FOXN3: variants seen among roughly 807,000 people sequenced by gnomAD.
FOXN3 encodes the protein forkhead box N3, also known as forkhead box protein N3.
A neutral mutation model predicts 38.4 loss-of-function variants in FOXN3; 7 were observed. That is an observed-to-expected ratio of 0.18 (90% CI 0.10 to 0.34). The LOEUF is 0.34. Among genes scored for constraint, FOXN3 ranks in the 10% least tolerant of loss-of-function variants. The pLI is 1.00. For synonymous variants in FOXN3, 230 were observed against 242.2 expected, an observed-to-expected ratio of 0.95 and a Z score of 0.47; for missense variants, 456 against 613.4, an observed-to-expected ratio of 0.74 and a Z score of 2.71.
At chr14:89,497,235 G>A (rs1022500810) in intron 1 of FOXN3, among the ~76,000 whole-genome samples, 23 of 151,516 alleles carry the variant, frequency 1.5e-4, no homozygotes, top group Admixed American at 5.9e-4. Context: ...GATTACAGGC[G>A]TGAGCCACCA....
intron 1 of FOXN3, among the ~76,000 whole-genome samples, chr14:89,480,726 AC>A (rs1409056436): frequency 6.6e-6 from 1 of 152,246 alleles, no homozygotes; most frequent in East Asian, 1.9e-4. Flanking sequence ...GGTTCCCAGA[AC>A]ACAAATTAAA....
At chr14:89,271,671 T>C (rs995334453) in intron 4 of FOXN3, among the ~76,000 whole-genome samples, 1 of 152,222 alleles carries the variant, frequency 6.6e-6, no homozygotes, top group Non-Finnish European at 1.5e-5. Flanking sequence ...TTTCTCTATC[T>C]AGTTTTTAAA....
intron 3 of FOXN3, among the ~76,000 whole-genome samples, chr14:89,317,335 CGATGT>C (rs1887750213): frequency 6.6e-6 from 1 of 152,118 alleles, no homozygotes; most frequent in African/African-American, 2.4e-5. Flanking sequence ...CCACTTCCTG[CGATGT>C]TTTAGAAGGC....
At chr14:89,300,971 G>GC (rs1566950732) in intron 3 of FOXN3, among the ~76,000 whole-genome samples, 1 of 151,108 alleles carries the variant, frequency 6.6e-6, no homozygotes, top group Non-Finnish European at 1.5e-5. Flanking sequence ...TAATTTTTTT[G>GC]CTTTTTTTTT....
At chr14:89,336,888 C>T (rs1348323747) in intron 3 of FOXN3, among the ~76,000 whole-genome samples, 3 of 152,182 alleles carry the variant, frequency 2.0e-5, no homozygotes, top group Non-Finnish European at 2.9e-5. Context: ...TTTCCTATAA[C>T]TTTAACTTCA....
chr14:89,481,616 G>A (rs1435338707), intron 1 of FOXN3, among the ~76,000 whole-genome samples: 5 of 152,076 alleles, frequency 3.3e-5, no homozygotes, highest in Non-Finnish European at 7.4e-5. Flanking sequence ...GGTTCAAATC[G>A]ACACACCAAA....
At chr14:89,247,533 A>C (rs1260358633) in intron 4 of FOXN3, among the ~76,000 whole-genome samples, 2 of 152,204 alleles carry the variant, frequency 1.3e-5, no homozygotes, top group African/African-American at 4.8e-5. Context: ...TGTCTAGTGC[A>C]AGGTCTTGAG....
chr14:89,277,339 C>T (rs1374065211), intron 4 of FOXN3, among the ~76,000 whole-genome samples: 2 of 152,194 alleles, frequency 1.3e-5, no homozygotes, highest in African/African-American at 4.8e-5. Context: ...TTCAGCCTGC[C>T]CTGGGTCCCC....
intron 3 of FOXN3, chr14:89,284,578 C>T: frequency 2.2e-6 from 1 of 455,962 alleles, no homozygotes; most frequent in African/African-American, 2.0e-5. Flanking sequence ...AGGCAAAGTC[C>T]CAGGCTAGAA....
chr14:89,460,803 G>C (rs1000114616), intron 1 of FOXN3, among the ~76,000 whole-genome samples: 1 of 151,898 alleles, frequency 6.6e-6, no homozygotes, highest in Non-Finnish European at 1.5e-5. Context: ...GGCCGAGGCG[G>C]GCAGATCACC....
intron 1 of FOXN3, among the ~76,000 whole-genome samples, chr14:89,450,590 CTTT>C (rs35023413): frequency 2.1e-5 from 3 of 144,354 alleles, no homozygotes; most frequent in Non-Finnish European, 3.0e-5. Flanking sequence ...TTCATCTTTC[CTTT>C]TTTTTTTTTT....
chr14:89,290,940 T>A, intron 3 of FOXN3: 1 of 329,606 alleles, frequency 3.0e-6, no homozygotes, highest in Non-Finnish European at 6.0e-6. Context: ...GGTCAGGCCC[T>A]CAGGAGAGAA....
chr14:89,253,930 G>A (rs1353575600), intron 4 of FOXN3, among the ~76,000 whole-genome samples: 1 of 152,128 alleles, frequency 6.6e-6, no homozygotes. Context: ...GGCTGTTGCT[G>A]GGATCTATGG....
At chr14:89,309,770 A>G (rs1887477603) in intron 3 of FOXN3, among the ~76,000 whole-genome samples, 1 of 152,174 alleles carries the variant, frequency 6.6e-6, no homozygotes, top group Non-Finnish European at 1.5e-5. Context: ...CACCTCACTC[A>G]GTAAAAAGAA....
At chr14:89,357,335 G>A (rs1206611363) in intron 2 of FOXN3, among the ~76,000 whole-genome samples, 1 of 152,164 alleles carries the variant, frequency 6.6e-6, no homozygotes, top group Non-Finnish European at 1.5e-5. Flanking sequence ...AGCAGGGCGT[G>A]GTGGCTCACG....
intron 1 of FOXN3, among the ~76,000 whole-genome samples, chr14:89,506,342 G>A (rs1200210500): frequency 4.6e-5 from 5 of 108,426 alleles, no homozygotes; most frequent in Non-Finnish European, 8.3e-5. Flanking sequence ...TCAGCCCCCC[G>A]CCCGGCCAGC....
chr14:89,594,400 GC>G (rs1896016003), intron 1 of FOXN3, among the ~76,000 whole-genome samples: 1 of 152,164 alleles, frequency 6.6e-6, no homozygotes, highest in Admixed American at 6.5e-5. Context: ...TCAACTGTAG[GC>G]ATTGTGGTGG....
chr14:89,254,315 C>T (rs1885551386), intron 4 of FOXN3, among the ~76,000 whole-genome samples: 1 of 152,198 alleles, frequency 6.6e-6, no homozygotes, highest in Non-Finnish European at 1.5e-5. Flanking sequence ...GCTTGAATTG[C>T]CTGAGCCTGG....
chr14:89,240,028 C>A lies in FOXN3; in HGVS notation c.745+40922G>T, dbSNP rs147647193. ...AGCAGTGACTGGTCAAAGCTCCACT[C>A]TGTGTGGAGCAGACACATCCCTTTA... is the stretch of plus-strand genomic sequence containing the variant. On this transcript the variant is annotated intron_variant, in intron 4 of 5. Transcript: ENST00000557258. Among the ~76,000 whole-genome samples the A allele has an allele frequency of 1.7e-3, 260 of 152,326 alleles. 2 individuals carry two copies. The highest frequency in any genetic ancestry group is 6.0e-3 in the African/African-American group (249 of 41,568).
Sources: gnomAD v4.1 joint callset for allele counts (sites outside exome capture counted in the v4.1 genomes callset) on GRCh38, gnomAD v4.1.1 for gene constraint, MANE v1.5 for transcripts, NCBI Gene and HGNC (gene_info 2026-07-23, HGNC 2026-07-21) for gene names.